MARS1: variants seen among roughly 807,000 people sequenced by gnomAD.
The protein encoded by MARS1 is methionine--tRNA ligase, cytoplasmic.
In MARS1, 80 loss-of-function variants were observed where a neutral mutation model predicts 119.5. That is an observed-to-expected ratio of 0.67 (90% CI 0.56 to 0.81). MARS1 has a LOEUF of 0.81. Ranked by LOEUF, MARS1 falls within the 30% of genes least tolerant of loss-of-function variation. The pLI is 0.00. For synonymous variants in MARS1, 418 were observed against 433.4 expected (o/e 0.96, Z 0.44); for missense variants, 945 against 1,116.5 (o/e 0.85, Z 2.19).
intron 11 of MARS1, among the ~76,000 whole-genome samples, chr12:57,506,575 C>A (rs1877188604): frequency 6.6e-6 from 1 of 152,214 alleles, no homozygotes; most frequent in South Asian, 2.1e-4. Context: ...CCATCCCCTT[C>A]ACTGGGAATC....
chr12:57,505,828 TA>T (rs1877156459), intron 11 of MARS1, among the ~76,000 whole-genome samples: 1 of 148,190 alleles, frequency 6.7e-6, no homozygotes. Flanking sequence ...ATAAAAAAAT[TA>T]AAGGCCACAT....
In MARS1 at chr12:57,516,448, G is replaced by A. The variant is rs1057524849; in HGVS notation, c.2570G>A (p.Arg857Gln). ...DEVTKQGNIV[R>Q]ELKAQKADKN... ...CCTTTATCTTAGGGAAACATTGTCC[G>A]AGAACTGAAAGCACAAAAGGCAGAC... Residue 857 changes from arginine (R) to glutamine (Q), a missense_variant, in exon 21 of 21, where the codon CGA (arginine) becomes CAA (glutamine). Physicochemically the swap from Arg to Gln is conservative, Grantham distance 43. Transcript: ENST00000262027. The A allele has an allele frequency of 1.9e-6, 3 of 1,613,084 alleles. No individual in the cohort carries two copies. The highest frequency in any genetic ancestry group is 1.3e-5 in the African/African-American group (1 of 74,818).
At chr12:57,506,716 G>C (rs1365054167) in intron 11 of MARS1, among the ~76,000 whole-genome samples, 3 of 152,038 alleles carry the variant, frequency 2.0e-5, no homozygotes, top group Non-Finnish European at 2.9e-5. Flanking sequence ...CCGCTCTGTT[G>C]CCCAGACTGT....
At chr12:57,493,312 T>A (rs1303022483) in intron 7 of MARS1, among the ~76,000 whole-genome samples, 3 of 104,454 alleles carry the variant, frequency 2.9e-5, no homozygotes, top group Admixed American at 1.6e-4. Flanking sequence ...ATAATATATA[T>A]TATATAATAT....
chr12:57,493,858 TTATATTATATAATA>T (rs1565641393), intron 7 of MARS1, among the ~76,000 whole-genome samples: 1 of 4,696 alleles, frequency 2.1e-4, no homozygotes, highest in Non-Finnish European at 3.9e-3. Flanking sequence ...ATATATATAT[TTATATTATATAATA>T]TATATAATAT....
At position 57,511,688 on chromosome 12, in the gene MARS1, G is replaced by A. The variant is rs776084640; in HGVS notation, c.1369-10G>A. On this transcript the variant is annotated splice_polypyrimidine_tract_variant and intron_variant, in intron 11 of 20. Coordinates refer to ENST00000262027, the MANE Select transcript of MARS1 (RefSeq NM_004990.4). ...TTTCCTAAATCAGCCCTCTTTCTCC[G>A]TTATCTCAGCTGGAGAAGCGACTGG... The A allele has an allele frequency of 8.7e-6, 14 of 1,613,840 alleles. No individual in the cohort carries two copies. The highest frequency in any genetic ancestry group is 3.3e-5 in the Admixed American group (2 of 60,022).
At chr12:57,508,284 C>T (rs1272844085) in intron 11 of MARS1, among the ~76,000 whole-genome samples, 12 of 152,328 alleles carry the variant, frequency 7.9e-5, no homozygotes, top group Admixed American at 6.5e-4. Flanking sequence ...GCTGCAATCT[C>T]GGCACTTTGG....
chr12:57,500,064 CAG>C (rs1876846426), intron 9 of MARS1: 4 of 463,808 alleles, frequency 8.6e-6, no homozygotes, highest in East Asian at 4.3e-5. Flanking sequence ...AAATACAAAA[CAG>C]ATAAATCTGT....
chr12:57,488,310 G>T, intron 1 of MARS1, 111 bp downstream of exon 1: 1 of 992,418 alleles, frequency 1.0e-6, no homozygotes, highest in Non-Finnish European at 1.5e-6. Context: ...CACCCCAATC[G>T]ACCACTTCTC....
chr12:57,515,789 A>T, intron 18 of MARS1, 131 bp from the exon 19 acceptor site: 1 of 708,154 alleles, frequency 1.4e-6, no homozygotes, highest in Non-Finnish European at 2.5e-6. Flanking sequence ...TAAAATCAGC[A>T]GATATTAGCT....
At chr12:57,505,942 T>C (rs1368554879) in intron 11 of MARS1, among the ~76,000 whole-genome samples, 1 of 152,118 alleles carries the variant, frequency 6.6e-6, no homozygotes, top group African/African-American at 2.4e-5. Flanking sequence ...GGCAAGACCC[T>C]GACTCTACAA....
chr12:57,504,192 G>C, intron 10 of MARS1, 33 bp from the exon 11 acceptor site: 1 of 1,548,348 alleles, frequency 6.5e-7, no homozygotes, highest in Non-Finnish European at 8.9e-7. Context: ...TGGCCTGCAG[G>C]CCTGATCTGT....
chr12:57,500,776 C>T (rs769099143), intron 10 of MARS1, among the ~76,000 whole-genome samples: 7 of 152,048 alleles, frequency 4.6e-5, no homozygotes, highest in Non-Finnish European at 1.0e-4. Flanking sequence ...TGCATCACAC[C>T]ACCTGATCTA....
chr12:57,514,966 C>T lies in MARS1; in HGVS notation c.2112C>T (p.Ala704=), dbSNP rs530730589. The T allele has an allele frequency of 9.7e-5, 156 of 1,614,180 alleles. 2 individuals are homozygous for T. In the South Asian group the frequency reaches 1.5e-3, roughly 15 times the overall value. ...CCTCCCTTCCCAGGATCCGGGATGC[C>T]TTGCGCAGTATCCTCACCATATCTC... The part of the protein sequence containing the change: ...QLLEKVRIRD[A]LRSILTISRH... Residue 704 remains alanine (A), a synonymous_variant, in exon 17 of 21, where the codon GCC becomes GCT. Coordinates refer to ENST00000262027, the MANE Select transcript of MARS1 (RefSeq NM_004990.4).
At chr12:57,501,776 T>G (rs1448977117) in intron 10 of MARS1, among the ~76,000 whole-genome samples, 1 of 151,350 alleles carries the variant, frequency 6.6e-6, no homozygotes, top group African/African-American at 2.4e-5. Context: ...GAGCTGAGAT[T>G]GCGCCACTGC....
chr12:57,512,083 T>C lies in MARS1; in HGVS notation c.1615T>C (p.Trp539Arg), dbSNP rs1449483385. ...TANYTDQWERWWKNPEQVDLY... is the reference protein window; with the variant it reads ...TANYTDQWERRWKNPEQVDLY... ...CAACTACACAGACCAGTGGGAGAGA[T>C]GGTGGAAGAACCCAGAGCAAGTGAG... is the stretch of plus-strand genomic sequence containing the variant. The change falls in exon 13 of 21, where the codon TGG (tryptophan) becomes CGG (arginine). Residue 539 changes from tryptophan to arginine, a missense_variant. Coordinates refer to ENST00000262027, the MANE Select transcript of MARS1 (RefSeq NM_004990.4). 6.2e-6 allele frequency: 10 copies of C among 1,614,124 alleles called. No individual in the cohort carries two copies. Among genetic ancestry groups the C allele is most frequent in the Non-Finnish European group, 5.9e-6 (7 of 1,180,012 alleles).
Position 57,490,333 on chromosome 12 carries a change from C to T in MARS1, c.617C>T (p.Pro206Leu), listed in dbSNP as rs138776588. 8.3e-4 allele frequency: 1,336 copies of T among 1,612,692 alleles called. No homozygotes were observed. The highest frequency in any genetic ancestry group is 1.1e-3 in the Non-Finnish European group (1,278 of 1,180,022). Residue 206 changes from proline (P) to leucine (L), a missense_variant, in exon 6 of 21, where the codon CCC becomes CTC. Physicochemically the swap from Pro to Leu is moderately conservative, Grantham distance 98. Transcript: ENST00000262027. The stretch of plus-strand genomic sequence containing the variant: ...CTCCGGCCTTACCTCCAAAAGCAGC[C>T]CCAGCCCAGCCCCGCTGAGGGAAGG... ...LALRPYLQKQ[P>L]QPSPAEGRAV...
At chr12:57,492,693 ACAC>A (rs1876045860) in intron 7 of MARS1, among the ~76,000 whole-genome samples, 1 of 104,366 alleles carries the variant, frequency 9.6e-6, no homozygotes, top group Admixed American at 9.1e-5. Flanking sequence ...ACACACACAC[ACAC>A]ACACACACAC....
Position 57,516,449 on chromosome 12 carries a change from A to AG in MARS1, c.2572dup (p.Glu858GlyfsTer30), listed in dbSNP as rs1290185243. The AG allele has an allele frequency of 6.2e-7, 1 of 1,613,370 alleles. No individual in the cohort carries two copies. The highest frequency in any genetic ancestry group is 8.5e-7 in the Non-Finnish European group (1 of 1,179,748). Reference sequence around the variant, plus strand: ...CTTTATCTTAGGGAAACATTGTCCGAGAACTGAAAGCACAAAAGGCAGACA... The same window carrying AG: ...CTTTATCTTAGGGAAACATTGTCCGAGGAACTGAAAGCACAAAAGGCAGACA... On this transcript the variant is annotated frameshift_variant, in exon 21 of 21. Coordinates refer to ENST00000262027, the MANE Select transcript of MARS1 (RefSeq NM_004990.4). LOFTEE classifies it high-confidence loss of function.
Sources: allele counts gnomAD v4.1 joint callset (sites outside exome capture counted in the v4.1 genomes callset), GRCh38; gene constraint gnomAD v4.1.1; transcripts MANE v1.5; gene names NCBI Gene and HGNC (gene_info 2026-07-23, HGNC 2026-07-21).